Variants in RBFOX1 observed in about 807,000 individuals in gnomAD.
RBFOX1 encodes the protein RNA binding protein fox-1 homolog 1.
A neutral mutation model predicts 57.7 loss-of-function variants in RBFOX1; 8 were observed. That is an observed-to-expected ratio of 0.14 (90% CI 0.08 to 0.25). The LOEUF is 0.25. Ranked by LOEUF, RBFOX1 falls within the 10% of genes least tolerant of loss-of-function variation. The pLI, the probability that RBFOX1 is intolerant of heterozygous loss-of-function variation, is 1.00. For missense variants in RBFOX1, 611 were observed against 548.5 expected, an observed-to-expected ratio of 1.11 and a Z score of -1.14; for synonymous variants, 326 against 222.4, an observed-to-expected ratio of 1.47 and a Z score of -4.15.
intron 2 of RBFOX1, among the ~76,000 whole-genome samples, chr16:6,471,327 T>C (rs1369033606): frequency 6.6e-6 from 1 of 152,250 alleles, no homozygotes; most frequent in African/African-American, 2.4e-5. Context: ...AGAGGCATCC[T>C]CTACCAAGTA....
intron 3 of RBFOX1, among the ~76,000 whole-genome samples, chr16:6,778,076 AAT>A (rs980670838): frequency 2.0e-5 from 3 of 152,154 alleles, no homozygotes; most frequent in Non-Finnish European, 4.4e-5. Flanking sequence ...CGGAATAACA[AAT>A]AGATTGAAAG....
At chr16:7,627,579 A>G (rs948094587) in intron 10 of RBFOX1, among the ~76,000 whole-genome samples, 11 of 152,178 alleles carry the variant, frequency 7.2e-5, no homozygotes, top group Admixed American at 2.6e-4. Flanking sequence ...CTCAATGAAG[A>G]GCTATGTTGA....
chr16:5,926,916 G>A (rs1310390535), intron 4 of RBFOX1, among the ~76,000 whole-genome samples: 1 of 152,130 alleles, frequency 6.6e-6, no homozygotes, highest in Non-Finnish European at 1.5e-5. Flanking sequence ...ATACAGTTTG[G>A]GAAGGCAAGT....
At chr16:6,929,350 G>A (rs141713497) in intron 3 of RBFOX1, among the ~76,000 whole-genome samples, 75 of 152,260 alleles carry the variant, frequency 4.9e-4, no homozygotes, top group African/African-American at 1.7e-3. Context: ...GTGAATATAG[G>A]CAAGGTTAGA....
At chr16:5,306,180 G>A (rs144285398) in intron 1 of RBFOX1, among the ~76,000 whole-genome samples, 42 of 152,240 alleles carry the variant, frequency 2.8e-4, no homozygotes, top group East Asian at 1.2e-3. Context: ...CAGCCTGGGC[G>A]CATAGCAAGA....
chr16:6,734,979 T>C (rs1568399512), intron 3 of RBFOX1, among the ~76,000 whole-genome samples: 1 of 151,736 alleles, frequency 6.6e-6, no homozygotes, highest in South Asian at 2.1e-4. Flanking sequence ...GTTTCTATAA[T>C]TTTTTTTTAA....
chr16:7,350,366 G>C (rs1251438306), intron 4 of RBFOX1, among the ~76,000 whole-genome samples: 1 of 152,146 alleles, frequency 6.6e-6, no homozygotes, highest in Non-Finnish European at 1.5e-5. Context: ...GTATGGCTGT[G>C]ACACAGTGGG....
intron 2 of RBFOX1, among the ~76,000 whole-genome samples, chr16:6,590,122 T>C (rs550590105): frequency 2.0e-5 from 3 of 152,208 alleles, no homozygotes; most frequent in Admixed American, 2.0e-4. Flanking sequence ...AGCATCACCA[T>C]TTTTTCAGCG....
At chr16:7,162,142 G>T (rs1047585671) in intron 4 of RBFOX1, among the ~76,000 whole-genome samples, 1 of 152,166 alleles carries the variant, frequency 6.6e-6, no homozygotes, top group Non-Finnish European at 1.5e-5. Context: ...TGCCAGGGAA[G>T]CCAGTGCTTT....
At chr16:6,952,942 C>T (rs908365101) in intron 3 of RBFOX1, among the ~76,000 whole-genome samples, 5 of 152,082 alleles carry the variant, frequency 3.3e-5, no homozygotes, top group Admixed American at 1.3e-4. Context: ...CATTGCACTC[C>T]AGCCTGGGGG....
chr16:6,395,063 A>G (rs2092767933), intron 2 of RBFOX1, among the ~76,000 whole-genome samples: 1 of 152,218 alleles, frequency 6.6e-6, no homozygotes, highest in African/African-American at 2.4e-5. Flanking sequence ...TATAGGCAAT[A>G]TTCTGACCTC....
intron 2 of RBFOX1, among the ~76,000 whole-genome samples, chr16:5,545,571 T>C (rs1287948485): frequency 1.3e-5 from 2 of 152,088 alleles, no homozygotes; most frequent in African/African-American, 4.8e-5. Context: ...ATCAATAGAA[T>C]CCATCATATT....
intron 3 of RBFOX1, among the ~76,000 whole-genome samples, chr16:6,794,899 C>T (rs778068408): frequency 3.9e-5 from 6 of 152,138 alleles, no homozygotes; most frequent in African/African-American, 1.2e-4. Flanking sequence ...GCCTCTGGAT[C>T]AACCCATTCA....
chr16:6,866,473 G>A (rs980934324), intron 3 of RBFOX1, among the ~76,000 whole-genome samples: 3 of 147,102 alleles, frequency 2.0e-5, no homozygotes, highest in African/African-American at 5.0e-5. Flanking sequence ...AATATATAAT[G>A]CAAAAAGTGT....
chr16:7,422,109 AGCCTGTGATTCTGG>A (rs1598056597), intron 4 of RBFOX1, among the ~76,000 whole-genome samples: 1 of 152,148 alleles, frequency 6.6e-6, no homozygotes, highest in East Asian at 1.9e-4. Context: ...GCTTTGGTCG[AGCCTGTGATTCTGG>A]GCCACATCGT....
At chr16:5,499,331 C>A (rs2151692186) in intron 2 of RBFOX1, among the ~76,000 whole-genome samples, 2 of 152,276 alleles carry the variant, frequency 1.3e-5, no homozygotes, top group South Asian at 4.2e-4. Context: ...GTGACATTCT[C>A]TTGCTGCCCC....
At chr16:6,460,550 C>A (rs966138259) in intron 2 of RBFOX1, among the ~76,000 whole-genome samples, 1 of 151,364 alleles carries the variant, frequency 6.6e-6, no homozygotes, top group Non-Finnish European at 1.5e-5. Context: ...AATGAGATAC[C>A]ATCTCACACC....
intron 4 of RBFOX1, among the ~76,000 whole-genome samples, chr16:7,097,196 A>C (rs1305600759): frequency 1.3e-5 from 2 of 152,062 alleles, no homozygotes; most frequent in Non-Finnish European, 2.9e-5. Context: ...CTCAGCTAGG[A>C]CCTGAGAGTT....
chr16:7,068,026 C>G (rs1465945523), intron 4 of RBFOX1, among the ~76,000 whole-genome samples: 1 of 147,698 alleles, frequency 6.8e-6, no homozygotes, highest in Non-Finnish European at 1.5e-5. Context: ...ATGAATCACT[C>G]TCATGGTTTG....
Sources: gnomAD v4.1 joint callset for allele counts (sites outside exome capture counted in the v4.1 genomes callset) on GRCh38, gnomAD v4.1.1 for gene constraint, MANE v1.5 for transcripts, NCBI Gene and HGNC (gene_info 2026-07-23, HGNC 2026-07-21) for gene names.